PAK2: variants seen among roughly 807,000 people sequenced by gnomAD.
PAK2 encodes the protein p21 (RAC1) activated kinase 2.
In PAK2, 21 loss-of-function variants were observed where a neutral mutation model predicts 65.9. That is an observed-to-expected ratio of 0.32 (90% CI 0.23 to 0.46). PAK2 has a LOEUF of 0.46. Among genes scored for constraint, PAK2 ranks in the 20% least tolerant of loss-of-function variants. The pLI, the probability that PAK2 is intolerant of heterozygous loss-of-function variation, is 1.00. For missense variants in PAK2, 324 were observed against 642.6 expected (o/e 0.50, Z 5.36); for synonymous variants, 204 against 219.7 (o/e 0.93, Z 0.63).
intron 1 of PAK2, among the ~76,000 whole-genome samples, chr3:196,742,098 TC>T (rs1270884883): frequency 1.7e-4 from 21 of 121,746 alleles, no homozygotes; most frequent in South Asian, 1.1e-3. Flanking sequence ...AATTAATATT[TC>T]TTTTTTTTTT....
chr3:196,805,485 A>G (rs1715556239), intron 5 of PAK2, 102 bp downstream of exon 5: 2 of 609,432 alleles, frequency 3.3e-6, no homozygotes, highest in Non-Finnish European at 5.7e-6. Context: ...TACAGCCATC[A>G]GAGGTAAATA....
chr3:196,792,286 A>C (rs957533916), intron 2 of PAK2, among the ~76,000 whole-genome samples: 6 of 152,188 alleles, frequency 3.9e-5, no homozygotes, highest in Non-Finnish European at 7.3e-5. Context: ...ACTAATAAAT[A>C]ATTTCTCCTG....
rs373145395 is a variant in PAK2, at chr3:196,751,696, A to AATATAATTACC, written c.-22+11539_-22+11540insATATAATTACC. On this transcript the variant is annotated intron_variant, in intron 1 of 14. Coordinates refer to ENST00000327134, the MANE Select transcript of PAK2 (RefSeq NM_002577.4). Reference sequence around the variant, plus strand: ...ATACATATATATATATATATATATAATTCAGGCTATATATAAAAGGCATTT... The same window carrying AATATAATTACC: ...ATACATATATATATATATATATATAAATATAATTACCTTCAGGCTATATATAAAAGGCATTT... Among the ~76,000 whole-genome samples the AATATAATTACC allele has an allele frequency of 2.1e-4, 15 of 72,648 alleles. 2 individuals carry two copies. The highest frequency in any genetic ancestry group is 1.0e-3 in the African/African-American group (15 of 14,868). The allele number at this position is 72,648 out of a possible 152,430, so 47.7% of individuals were successfully genotyped here.
At chr3:196,744,509 G>T (rs527885360) in intron 1 of PAK2, among the ~76,000 whole-genome samples, 1 of 152,194 alleles carries the variant, frequency 6.6e-6, no homozygotes, top group African/African-American at 2.4e-5. Context: ...TTGCATTCCA[G>T]CCTGGGTGAC....
chr3:196,822,305 AAAT>A (rs1321889832), intron 13 of PAK2, among the ~76,000 whole-genome samples: 2 of 152,220 alleles, frequency 1.3e-5, no homozygotes, highest in African/African-American at 2.4e-5. Context: ...GAGAAAAACA[AAAT>A]AAATCAGAAT....
chr3:196,763,248 A>G (rs1246286508), intron 1 of PAK2, among the ~76,000 whole-genome samples: 2 of 152,164 alleles, frequency 1.3e-5, no homozygotes, highest in African/African-American at 2.4e-5. Flanking sequence ...ATTAACTCTG[A>G]TACAAAACTG....
intron 13 of PAK2, among the ~76,000 whole-genome samples, chr3:196,823,539 C>A (rs1711721354): frequency 6.6e-6 from 1 of 151,402 alleles, no homozygotes; most frequent in African/African-American, 2.4e-5. Flanking sequence ...CAGGCTGGAT[C>A]CCCGCAAACA....
At chr3:196,812,174 G>C (rs980340581) in intron 8 of PAK2, 45 bp from the exon 9 acceptor site, 52 of 1,067,220 alleles carry the variant, frequency 4.9e-5, no homozygotes, top group Non-Finnish European at 6.2e-5. Context: ...GCAAATGCTA[G>C]TGATTTATCA....
chr3:196,767,968 C>T (rs1348631876), intron 1 of PAK2, among the ~76,000 whole-genome samples: 2 of 151,914 alleles, frequency 1.3e-5, no homozygotes, highest in African/African-American at 4.9e-5. Flanking sequence ...ACATGATTTC[C>T]AAAATTGTGA....
At chr3:196,794,915 A>C (rs1646604429) in intron 2 of PAK2, among the ~76,000 whole-genome samples, 1 of 152,206 alleles carries the variant, frequency 6.6e-6, no homozygotes, top group South Asian at 2.1e-4. Flanking sequence ...AGTGCTGGAA[A>C]GGAGGCAGCA....
At chr3:196,827,443 G>T (rs77117853) in intron 14 of PAK2, 110 bp downstream of exon 14, 103,797 of 1,507,192 alleles carry the variant, frequency 0.069, 3,976 homozygotes, top group South Asian at 0.1. Flanking sequence ...ATCACCAGCG[G>T]TATGGCAGCT....
At chr3:196,795,292 CA>C (rs55963334) in intron 2 of PAK2, among the ~76,000 whole-genome samples, 65,126 of 136,050 alleles carry the variant, frequency 0.48, 15,281 homozygotes, top group East Asian at 0.68. Flanking sequence ...CCCATCTCTA[CA>C]AAAAAAAAAA....
At chr3:196,823,824 AAAG>A (rs1711735423) in intron 13 of PAK2, among the ~76,000 whole-genome samples, 1 of 151,778 alleles carries the variant, frequency 6.6e-6, no homozygotes, top group African/African-American at 2.4e-5. Context: ...AAAAAAAAAA[AAAG>A]AAAAAAACAC....
At chr3:196,762,390 A>G (rs1452249995) in intron 1 of PAK2, among the ~76,000 whole-genome samples, 5 of 143,846 alleles carry the variant, frequency 3.5e-5, no homozygotes, top group Non-Finnish European at 6.2e-5. Context: ...ACGCCACTGC[A>G]CTCCAGCCTG....
intron 11 of PAK2, among the ~76,000 whole-genome samples, chr3:196,815,229 G>T (rs924186157): frequency 1.3e-5 from 2 of 151,600 alleles, no homozygotes; most frequent in Non-Finnish European, 2.9e-5. Flanking sequence ...GGTGGCTCAT[G>T]CCTGTAATCC....
At chr3:196,777,846 CTTTG>C in intron 1 of PAK2, among the ~76,000 whole-genome samples, 1 of 152,176 alleles carries the variant, frequency 6.6e-6, no homozygotes. Flanking sequence ...AGCTTTTAAT[CTTTG>C]TTAGCTCATT....
intron 10 of PAK2, 75 bp downstream of exon 10, chr3:196,812,926 G>A (rs931051035): frequency 3.0e-6 from 2 of 665,862 alleles, no homozygotes; most frequent in African/African-American, 1.8e-5. Context: ...GGGTGGGGCT[G>A]GCCACTTTGG....
Position 196,828,484 on chromosome 3 carries a change from T to G in PAK2, c.*79T>G, listed in dbSNP as rs1306372903. 2.4e-5 allele frequency: 21 copies of G among 880,118 alleles called. No homozygotes were observed. Among genetic ancestry groups the G allele is most frequent in the Non-Finnish European group, 5.7e-6 (3 of 530,492 alleles). The allele number at this position is 880,118 out of a possible 1,614,324, so 54.5% of individuals were successfully genotyped here. On this transcript the variant is annotated 3_prime_UTR_variant, in exon 15 of 15. Transcript: ENST00000327134. ...AGTATATGAAAATTATTACTCTTTTTGGGGTTTAAAGAAATGGTCTGCATA... is the reference window on the plus strand; with the variant it reads ...AGTATATGAAAATTATTACTCTTTTGGGGGTTTAAAGAAATGGTCTGCATA...
Position 196,789,654 on chromosome 3 carries a change from A to G in PAK2, c.187+6821A>G, listed in dbSNP as rs377114631. ...ATTTTTTTGTATTTTTAGTAGAGAC[A>G]GGGTTTCACCATGTTGACCAGGCTG... On this transcript the variant is annotated intron_variant, in intron 2 of 14. Coordinates refer to ENST00000327134, the MANE Select transcript of PAK2 (RefSeq NM_002577.4). 2.4e-3 allele frequency among the ~76,000 whole-genome samples: 366 copies of G among 152,098 alleles called. 2 individuals are homozygous for G. Among genetic ancestry groups the G allele is most frequent in the African/African-American group, 8.6e-3 (355 of 41,508 alleles).
Sources: allele counts gnomAD v4.1 joint callset (sites outside exome capture counted in the v4.1 genomes callset), GRCh38; gene constraint gnomAD v4.1.1; transcripts MANE v1.5; gene names NCBI Gene and HGNC (gene_info 2026-07-23, HGNC 2026-07-21).